SH3BGRL: variants seen among roughly 807,000 people sequenced by gnomAD.
SH3BGRL encodes the protein SH3 domain binding glutamate rich protein like, also known as adapter SH3BGRL.
In SH3BGRL, 7 loss-of-function variants were observed where a neutral mutation model predicts 9.8. The ratio of observed to expected loss-of-function variants is 0.72; its 90% CI spans 0.41 to 1.35. SH3BGRL has a LOEUF of 1.35. Ranked by LOEUF, SH3BGRL falls within the 40% of genes most tolerant of loss-of-function variation. The pLI, the probability that SH3BGRL is intolerant of heterozygous loss-of-function variation, is 0.01. For synonymous variants in SH3BGRL, 36 were observed against 29.1 expected (o/e 1.24, Z -0.76); for missense variants, 73 against 84.4 (o/e 0.86, Z 0.53).
At chrX:81,297,062 C>A (rs1335484696) in intron 3 of SH3BGRL, 133 bp from the exon 4 acceptor site, 2 of 419,782 alleles carry the variant, frequency 4.8e-6, no homozygotes, top group Admixed American at 1.0e-4. Context: ...CTATTAAGAA[C>A]TTTTTAAGAA....
chrX:81,280,355 T>G lies in SH3BGRL; in HGVS notation c.312+1944T>G, dbSNP rs376617096. Reference sequence around the variant, plus strand: ...ATGGTTTCTGGAAAGCGCCACCTCCTGGCCAACCAGCATAAAAATAGAGCA... The same window carrying G: ...ATGGTTTCTGGAAAGCGCCACCTCCGGGCCAACCAGCATAAAAATAGAGCA... On this transcript the variant is annotated intron_variant, in intron 3 of 3. Transcript: ENST00000373212. 6.3e-5 allele frequency among the ~76,000 whole-genome samples: 7 copies of G among 111,248 alleles called. No homozygotes were observed. In the East Asian group the frequency reaches 8.5e-4, roughly 14 times the overall value.
intron 1 of SH3BGRL, among the ~76,000 whole-genome samples, chrX:81,236,908 A>G (rs888823376): frequency 1.9e-5 from 2 of 107,847 alleles, no homozygotes; most frequent in Non-Finnish European, 3.8e-5. Context: ...AGGGAGAGAG[A>G]GAGAGAGAGA....
intron 3 of SH3BGRL, among the ~76,000 whole-genome samples, chrX:81,296,217 T>G (rs1204234596): frequency 1.8e-5 from 2 of 110,226 alleles, no homozygotes; most frequent in Admixed American, 9.7e-5. Flanking sequence ...AGGAGGATGG[T>G]GCTAAGCCAT....
At chrX:81,209,513 A>G (rs5959845) in intron 1 of SH3BGRL, among the ~76,000 whole-genome samples, 1,370 of 111,793 alleles carry the variant, frequency 0.012, 29 homozygotes, top group African/African-American at 0.043. Context: ...ACATTGGTCA[A>G]GACTGAAGAG....
intron 1 of SH3BGRL, among the ~76,000 whole-genome samples, chrX:81,229,188 G>A (rs1212329330): frequency 9.1e-6 from 1 of 110,246 alleles, no homozygotes; most frequent in Non-Finnish European, 1.9e-5. Context: ...TGTGCCATGG[G>A]GGTGTGGCTC....
chrX:81,286,498 CAAAAAAAAA>C (rs570813241), intron 3 of SH3BGRL, among the ~76,000 whole-genome samples: 1 of 46,408 alleles, frequency 2.2e-5, no homozygotes, highest in Non-Finnish European at 3.6e-5. Flanking sequence ...AGCTACTAGG[CAAAAAAAAA>C]AAAAAAAAAA....
At chrX:81,227,951 A>G (rs895855046) in intron 1 of SH3BGRL, among the ~76,000 whole-genome samples, 5 of 111,867 alleles carry the variant, frequency 4.5e-5, no homozygotes, top group Middle Eastern at 4.7e-3. Flanking sequence ...TCTCTCATAT[A>G]TTGCAGTTTG....
At chrX:81,242,270 A>G (rs2075672570) in intron 1 of SH3BGRL, among the ~76,000 whole-genome samples, 2 of 112,227 alleles carry the variant, frequency 1.8e-5, no homozygotes, top group South Asian at 7.4e-4. Context: ...ACACATTTAC[A>G]GTGAACTCAT....
At chrX:81,211,144 C>G (rs2075561834) in intron 1 of SH3BGRL, among the ~76,000 whole-genome samples, 1 of 111,658 alleles carries the variant, frequency 9.0e-6, no homozygotes, top group African/African-American at 3.3e-5. Flanking sequence ...TTCTCACAAG[C>G]TGAATATGAG....
In SH3BGRL at chrX:81,257,372, A is replaced by G. The variant is rs778493612; in HGVS notation, c.46-19612A>G. Among the ~76,000 whole-genome samples the G allele has an allele frequency of 1.8e-4, 20 of 112,036 alleles. No homozygotes were observed. In the South Asian group the frequency reaches 7.4e-3, roughly 42 times the overall value. Reference sequence around the variant, plus strand: ...CTGTATTAGTTTTCTATGCTGTGTAACAAATACTAAGTATTTAGTGGCTTG... The same window carrying G: ...CTGTATTAGTTTTCTATGCTGTGTAGCAAATACTAAGTATTTAGTGGCTTG... On this transcript the variant is annotated intron_variant, in intron 1 of 3. Transcript: ENST00000373212.
chrX:81,211,761 G>A (rs1436203727), intron 1 of SH3BGRL, among the ~76,000 whole-genome samples: 2 of 111,270 alleles, frequency 1.8e-5, no homozygotes, highest in African/African-American at 3.3e-5. Flanking sequence ...GCCTTTGAAC[G>A]TCGGACTTCA....
chrX:81,286,235 G>A (rs964294586), intron 3 of SH3BGRL, among the ~76,000 whole-genome samples: 3 of 110,505 alleles, frequency 2.7e-5, no homozygotes, highest in Non-Finnish European at 5.7e-5. Flanking sequence ...ATAAATATTT[G>A]GTGATGCTTG....
At chrX:81,295,017 A>G (rs887371910) in intron 3 of SH3BGRL, among the ~76,000 whole-genome samples, 2 of 112,235 alleles carry the variant, frequency 1.8e-5, no homozygotes. Flanking sequence ...TGCCTGTACC[A>G]TCGTTGTATC....
Position 81,243,773 on chromosome X carries a change from CTAATATATTT to C in SH3BGRL, c.46-33210_46-33201del, listed in dbSNP as rs746082433. Among the ~76,000 whole-genome samples, 3 of 111,042 alleles carry C rather than the reference CTAATATATTT, an allele frequency of 2.7e-5. No individual in the cohort carries two copies. The Admixed American group carries it at 2.9e-4, about 11-fold the overall frequency. On this transcript the variant is annotated intron_variant, in intron 1 of 3. Transcript: ENST00000373212. ...TTTATACAAGTCTTTTACATATATT[CTAATATATTT>C]ACATTAATAATCATAATAATTTATG...
chrX:81,230,788 G>C (rs1005341985), intron 1 of SH3BGRL, among the ~76,000 whole-genome samples: 2 of 111,754 alleles, frequency 1.8e-5, no homozygotes, highest in African/African-American at 6.5e-5. Flanking sequence ...TTTCATCCTT[G>C]TAATGTGTGG....
chrX:81,262,258 G>T (rs1440036089), intron 1 of SH3BGRL, among the ~76,000 whole-genome samples: 1 of 111,114 alleles, frequency 9.0e-6, no homozygotes, highest in Non-Finnish European at 1.9e-5. Context: ...GATAAAAGGT[G>T]CAGAACTCTG....
intron 1 of SH3BGRL, among the ~76,000 whole-genome samples, chrX:81,265,477 G>T (rs957576732): frequency 9.0e-6 from 1 of 110,863 alleles, no homozygotes; most frequent in African/African-American, 3.3e-5. Flanking sequence ...TTCTGATCTT[G>T]TGATAGTTTG....
intron 1 of SH3BGRL, among the ~76,000 whole-genome samples, chrX:81,269,544 C>T (rs2075770193): frequency 2.7e-5 from 3 of 111,400 alleles, no homozygotes; most frequent in African/African-American, 6.5e-5. Flanking sequence ...GAATATTGGC[C>T]CCCACTCTCT....
intron 1 of SH3BGRL, among the ~76,000 whole-genome samples, chrX:81,256,921 G>T (rs1377479235): frequency 9.0e-6 from 1 of 111,295 alleles, no homozygotes; most frequent in Non-Finnish European, 1.9e-5. Flanking sequence ...GCATTATTCT[G>T]TCATTCATTA....
Sources: allele counts gnomAD v4.1 joint callset (sites outside exome capture counted in the v4.1 genomes callset), GRCh38; gene constraint gnomAD v4.1.1; transcripts MANE v1.5; gene names NCBI Gene and HGNC (gene_info 2026-07-23, HGNC 2026-07-21).